LRMDA: variants seen among roughly 807,000 people sequenced by gnomAD.
The protein encoded by LRMDA is leucine rich melanocyte differentiation associated.
In LRMDA, 18 loss-of-function variants were observed where a neutral mutation model predicts 29.8. The observed-to-expected ratio is 0.60, with a 90% CI of 0.42 to 0.90. The LOEUF (loss-of-function observed/expected upper bound fraction) is 0.90. Ranked by LOEUF, LRMDA falls within the 40% of genes least tolerant of loss-of-function variation. The probability of loss-of-function intolerance (pLI) is 0.00; values close to 1 mark genes in which losing one functional copy is unlikely to be tolerated. For synonymous variants in LRMDA, 125 were observed against 109.4 expected (o/e 1.14, Z -0.89); for missense variants, 273 against 273.9 (o/e 1.00, Z 0.02).
At chr10:76,513,454 G>T (rs1292752762) in intron 6 of LRMDA, among the ~76,000 whole-genome samples, 1 of 151,878 alleles carries the variant, frequency 6.6e-6, no homozygotes, top group Non-Finnish European at 1.5e-5. Flanking sequence ...ACTTTAAAGG[G>T]GTTGTGTCTT....
chr10:76,108,055 A>C (rs944238619), intron 5 of LRMDA, among the ~76,000 whole-genome samples: 1 of 152,206 alleles, frequency 6.6e-6, no homozygotes, highest in Admixed American at 6.5e-5. Context: ...TGTGGAGTCT[A>C]ACAGAAATTA....
intron 5 of LRMDA, among the ~76,000 whole-genome samples, chr10:76,167,151 G>A (rs1850755581): frequency 6.6e-6 from 1 of 151,994 alleles, no homozygotes; most frequent in Non-Finnish European, 1.5e-5. Context: ...TTTTGATAGG[G>A]TTGTTTGTTT....
At chr10:75,877,776 T>G (rs1184218760) in intron 2 of LRMDA, among the ~76,000 whole-genome samples, 1 of 152,212 alleles carries the variant, frequency 6.6e-6, no homozygotes, top group Non-Finnish European at 1.5e-5. Context: ...GAGGGGCTGA[T>G]GGGACTCCTG....
chr10:76,193,528 G>T (rs1432179417), intron 5 of LRMDA, among the ~76,000 whole-genome samples: 3 of 152,028 alleles, frequency 2.0e-5, no homozygotes, highest in Non-Finnish European at 4.4e-5. Context: ...ATTGAGTTTT[G>T]TTTTATTGTT....
chr10:75,442,221 C>T (rs1229927944), intron 2 of LRMDA, among the ~76,000 whole-genome samples: 1 of 152,224 alleles, frequency 6.6e-6, no homozygotes, highest in East Asian at 1.9e-4. Context: ...GATTACTGAG[C>T]TGAAGCTAAT....
chr10:75,784,868 C>G (rs1471631840), intron 2 of LRMDA, among the ~76,000 whole-genome samples: 1 of 152,110 alleles, frequency 6.6e-6, no homozygotes, highest in African/African-American at 2.4e-5. Flanking sequence ...GAATTTTGAG[C>G]TAGGCTGATT....
chr10:75,555,967 G>C (rs963173251), intron 2 of LRMDA, among the ~76,000 whole-genome samples: 1 of 152,242 alleles, frequency 6.6e-6, no homozygotes, highest in Non-Finnish European at 1.5e-5. Context: ...AGATGACAGC[G>C]CAAGAGTCAG....
At chr10:75,739,562 C>T (rs72809490) in intron 2 of LRMDA, among the ~76,000 whole-genome samples, 8,440 of 152,178 alleles carry the variant, frequency 0.055, 385 homozygotes, top group South Asian at 0.13. Context: ...CATATATTAT[C>T]GTTGGCGGGT....
chr10:76,010,276 A>G (rs982010930), intron 2 of LRMDA, among the ~76,000 whole-genome samples: 1 of 150,954 alleles, frequency 6.6e-6, no homozygotes, highest in African/African-American at 2.4e-5. Context: ...TGCCAGGTCC[A>G]TGATGGTGTT....
intron 5 of LRMDA, among the ~76,000 whole-genome samples, chr10:76,264,775 G>A (rs1174688726): frequency 6.6e-6 from 1 of 152,182 alleles, no homozygotes; most frequent in Non-Finnish European, 1.5e-5. Flanking sequence ...GGACATTATA[G>A]TACTATGGGA....
At chr10:75,983,344 C>T (rs1051502084) in intron 2 of LRMDA, among the ~76,000 whole-genome samples, 1 of 152,192 alleles carries the variant, frequency 6.6e-6, no homozygotes, top group Non-Finnish European at 1.5e-5. Context: ...TACTGCATTG[C>T]TGTATATCTT....
intron 4 of LRMDA, among the ~76,000 whole-genome samples, chr10:76,056,791 G>A (rs933194188): frequency 6.6e-6 from 1 of 151,972 alleles, no homozygotes; most frequent in Admixed American, 6.6e-5. Flanking sequence ...AAGCCCCCAA[G>A]AGCACAGGGA....
intron 5 of LRMDA, among the ~76,000 whole-genome samples, chr10:76,245,997 A>G (rs370587759): frequency 6.6e-6 from 1 of 152,354 alleles, no homozygotes. Context: ...TATATGCCAC[A>G]TACTAAAGAC....
rs188336825 is a variant in LRMDA, at chr10:76,132,821, G to A, written c.516+74038G>A. On this transcript the variant is annotated intron_variant, in intron 5 of 6. Transcript: ENST00000611255. ...CAAGCACCTTCTTTTTTGGCGGGGG[G>A]GGTCAGAGTTTCGCTCTGTTGACCA... Among the ~76,000 whole-genome samples the A allele has an allele frequency of 1.3e-4, 20 of 149,910 alleles. No individual in the cohort carries two copies. The East Asian group carries it at 1.6e-3, about 12-fold the overall frequency.
intron 5 of LRMDA, among the ~76,000 whole-genome samples, chr10:76,138,446 C>T (rs1252872173): frequency 6.6e-6 from 1 of 151,246 alleles, no homozygotes; most frequent in Admixed American, 6.6e-5. Flanking sequence ...TAAACCTACT[C>T]CCCCCATTTG....
At chr10:75,679,659 C>A (rs1181571830) in intron 2 of LRMDA, among the ~76,000 whole-genome samples, 1 of 152,166 alleles carries the variant, frequency 6.6e-6, no homozygotes, top group Non-Finnish European at 1.5e-5. Context: ...TCCTTAAGAC[C>A]ACATACTAAC....
At chr10:76,379,459 G>A (rs1841563251) in intron 6 of LRMDA, among the ~76,000 whole-genome samples, 1 of 151,754 alleles carries the variant, frequency 6.6e-6, no homozygotes, top group Non-Finnish European at 1.5e-5. Context: ...CAATTTTGGG[G>A]GTTATATATT....
chr10:75,491,711 TG>T (rs1479271369), intron 2 of LRMDA, among the ~76,000 whole-genome samples: 5 of 152,174 alleles, frequency 3.3e-5, no homozygotes, highest in African/African-American at 1.2e-4. Flanking sequence ...ACAAGTTGAA[TG>T]GCACTTGGTC....
chr10:76,147,642 A>G (rs1850354143), intron 5 of LRMDA, among the ~76,000 whole-genome samples: 1 of 151,788 alleles, frequency 6.6e-6, no homozygotes, highest in South Asian at 2.1e-4. Context: ...TTCCTCCTGT[A>G]GCTCAGAGTA....
Sources: gnomAD v4.1 joint callset for allele counts (sites outside exome capture counted in the v4.1 genomes callset) on GRCh38, gnomAD v4.1.1 for gene constraint, MANE v1.5 for transcripts, NCBI Gene and HGNC (gene_info 2026-07-23, HGNC 2026-07-21) for gene names.